The following SULT6B1 variants were observed in gnomAD, a reference collection of about 807,000 sequenced individuals.
SULT6B1 encodes the protein sulfotransferase family 6B member 1.
SULT6B1 carries 44 observed loss-of-function variants against 37.2 expected under a neutral mutation model. The observed-to-expected ratio is 1.18, with a 90% CI of 0.93 to 1.52. SULT6B1 has a LOEUF of 1.52. Among genes scored for constraint, SULT6B1 ranks in the 40% most tolerant of loss-of-function variants. SULT6B1 has a pLI of 0.00. For synonymous variants in SULT6B1, 140 were observed against 126.0 expected, an observed-to-expected ratio of 1.11 and a Z score of -0.74; for missense variants, 450 against 361.0, an observed-to-expected ratio of 1.25 and a Z score of -2.00.
chr2:37,171,825 A>G (rs1016293372), intron 5 of SULT6B1, among the ~76,000 whole-genome samples: 1 of 152,100 alleles, frequency 6.6e-6, no homozygotes. Flanking sequence ...AACTTACCAG[A>G]TAATAGTTTT....
At position 37,175,187 on chromosome 2, in the gene SULT6B1, T is replaced by C. The variant is rs1676389910; in HGVS notation, c.569A>G (p.Asn190Ser). ...AACATTGTCGCCATCAAGATGTTTGTTCCAATTGATTGCAAAATCAAAATA... is the reference window on the plus strand; with the variant it reads ...AACATTGTCGCCATCAAGATGTTTGCTCCAATTGATTGCAAAATCAAAATA... The part of the protein sequence containing the change: ...GRYFDFAINW[N>S]KHLDGDNVKF... Residue 190 changes from asparagine to serine, a missense_variant, in exon 5 of 7, where the codon AAC becomes AGC. Coordinates refer to ENST00000535679, the MANE Select transcript of SULT6B1 (RefSeq NM_001367551.1). The C allele has an allele frequency of 2.5e-6, 4 of 1,591,316 alleles. No homozygotes were observed. The highest frequency in any genetic ancestry group is 1.7e-6 in the Non-Finnish European group (2 of 1,167,886).
chr2:37,175,830 T>C (rs1212404849), intron 4 of SULT6B1, among the ~76,000 whole-genome samples: 1 of 152,226 alleles, frequency 6.6e-6, no homozygotes, highest in Non-Finnish European at 1.5e-5. Context: ...ATTTGGATGC[T>C]AAATTTTTAT....
intron 4 of SULT6B1, among the ~76,000 whole-genome samples, chr2:37,179,003 A>G (rs1271484979): frequency 6.6e-6 from 1 of 152,070 alleles, no homozygotes; most frequent in Non-Finnish European, 1.5e-5. Context: ...CGCTTTGCCA[A>G]GCTGGAGTGC....
At chr2:37,191,499 G>A (rs78861452), upstream of SULT6B1, among the ~76,000 whole-genome samples, 538 of 152,306 alleles carry the variant, frequency 3.5e-3, 4 homozygotes, top group African/African-American at 0.012. Flanking sequence ...GTTGGCTGCA[G>A]GCACGAGCAG....
intron 4 of SULT6B1, among the ~76,000 whole-genome samples, chr2:37,179,071 G>T (rs910954838): frequency 1.3e-5 from 2 of 152,164 alleles, no homozygotes; most frequent in African/African-American, 2.4e-5. Flanking sequence ...CAATTTTCCT[G>T]CTTCAGCTTC....
At chr2:37,190,365 A>G (rs913718817), upstream of SULT6B1, among the ~76,000 whole-genome samples, 1 of 152,204 alleles carries the variant, frequency 6.6e-6, no homozygotes, top group Admixed American at 6.5e-5. Context: ...AGTGAAGAAG[A>G]TGACTTCTAG....
intron 3 of SULT6B1, among the ~76,000 whole-genome samples, chr2:37,182,425 A>T (rs1387981679): frequency 1.3e-5 from 2 of 152,010 alleles, no homozygotes; most frequent in Non-Finnish European, 2.9e-5. Flanking sequence ...GGCTATTTTT[A>T]GTAGGTTGGT....
At chr2:37,194,262 T>C (rs1044127326) in intron 1 of SULT6B1, 1 of 173,248 alleles carries the variant, frequency 5.8e-6, no homozygotes, top group Non-Finnish European at 1.2e-5. Context: ...GTATTTTTAG[T>C]AGAGACAGGG....
Position 37,176,204 on chromosome 2 carries a change from A to C in SULT6B1, c.530-978T>G, listed in dbSNP as rs532539484. On this transcript the variant is annotated intron_variant, in intron 4 of 6. Transcript: ENST00000535679. Reference sequence around the variant, plus strand: ...AATGGGGCGTTATGAGGTTTAAATGAATTAACACACGTCAAATGCTAAAAA... The same window carrying C: ...AATGGGGCGTTATGAGGTTTAAATGCATTAACACACGTCAAATGCTAAAAA... Among the ~76,000 whole-genome samples the C allele has an allele frequency of 9.9e-5, 15 of 152,008 alleles. No individual in the cohort carries two copies. The South Asian group carries it at 2.9e-3, about 29-fold the overall frequency.
chr2:37,179,537 C>T lies in SULT6B1; in HGVS notation c.450G>A (p.Leu150=), dbSNP rs10205833. Reference sequence around the variant, plus strand: ...TATCGGGGACATCGTTGTGGAAATGCAAAAAAGATACTGCTGTATCTTTAG... The same window carrying T: ...TATCGGGGACATCGTTGTGGAAATGTAAAAAAGATACTGCTGTATCTTTAG... ...RNPKDTAVSF[L]HFHNDVPDIP... The change falls in exon 4 of 7, where the codon TTG becomes TTA. Residue 150 remains leucine (L), a synonymous_variant. Transcript: ENST00000535679. 6.2e-7 allele frequency: 1 copy of T among 1,613,018 alleles called. No individual in the cohort carries two copies. Among genetic ancestry groups the T allele is most frequent in the Non-Finnish European group, 8.5e-7 (1 of 1,179,514 alleles).
At chr2:37,191,883 C>T (rs770780597), upstream of SULT6B1, among the ~76,000 whole-genome samples, 2 of 152,238 alleles carry the variant, frequency 1.3e-5, no homozygotes, top group African/African-American at 2.4e-5. Flanking sequence ...CATGCTATAA[C>T]ACCCGCTCTG....
At chr2:37,185,679 C>G (rs1224793396) in intron 2 of SULT6B1, among the ~76,000 whole-genome samples, 2 of 139,880 alleles carry the variant, frequency 1.4e-5, no homozygotes, top group African/African-American at 5.4e-5. Flanking sequence ...GATCGCACCA[C>G]TGCACTCCAG....
At chr2:37,174,227 CTTTTTTTTTTTTTTT>C (rs35100458) in intron 5 of SULT6B1, among the ~76,000 whole-genome samples, 49 of 58,484 alleles carry the variant, frequency 8.4e-4, no homozygotes, top group Admixed American at 3.1e-3. Flanking sequence ...TCTTCCTATT[CTTTTTTTTTTTTTTT>C]TTTTTTTTTT....
chr2:37,193,655 A>G (rs980600766), upstream of SULT6B1, among the ~76,000 whole-genome samples: 2 of 149,536 alleles, frequency 1.3e-5, no homozygotes, highest in African/African-American at 4.9e-5. Context: ...GAAGAAGGAG[A>G]AGAAGGAGAA....
intron 2 of SULT6B1, among the ~76,000 whole-genome samples, chr2:37,186,303 C>T (rs1453066159): frequency 6.6e-6 from 1 of 152,172 alleles, no homozygotes; most frequent in African/African-American, 2.4e-5. Flanking sequence ...TTCCCCGCTG[C>T]ATTCTGGTGT....
At chr2:37,181,064 G>A (rs1181117688) in intron 3 of SULT6B1, among the ~76,000 whole-genome samples, 1 of 152,146 alleles carries the variant, frequency 6.6e-6, no homozygotes, top group African/African-American at 2.4e-5. Context: ...TAACATGAAA[G>A]TGGGAGGGAA....
intron 5 of SULT6B1, among the ~76,000 whole-genome samples, chr2:37,174,866 T>C (rs563381587): frequency 6.6e-6 from 1 of 152,296 alleles, no homozygotes; most frequent in East Asian, 1.9e-4. Flanking sequence ...TTTTTTTTTA[T>C]TACCAATTTG....
At chr2:37,169,649 C>T (rs535237637) in intron 6 of SULT6B1, among the ~76,000 whole-genome samples, 1 of 152,222 alleles carries the variant, frequency 6.6e-6, no homozygotes, top group South Asian at 2.1e-4. Flanking sequence ...CCACCACGTC[C>T]AGCCCGAGCT....
At chr2:37,177,851 T>C (rs1676464565) in intron 4 of SULT6B1, among the ~76,000 whole-genome samples, 1 of 152,190 alleles carries the variant, frequency 6.6e-6, no homozygotes, top group Admixed American at 6.5e-5. Flanking sequence ...CAAAAATAAA[T>C]ACATTTTTTA....
Sources: allele counts gnomAD v4.1 joint callset (sites outside exome capture counted in the v4.1 genomes callset), GRCh38; gene constraint gnomAD v4.1.1; transcripts MANE v1.5; gene names NCBI Gene and HGNC (gene_info 2026-07-23, HGNC 2026-07-21).